Variants in NRXN1 observed in about 807,000 individuals in gnomAD.
The protein encoded by NRXN1 is neurexin 1.
In NRXN1, 39 loss-of-function variants were observed where a neutral mutation model predicts 150.9. The ratio of observed to expected loss-of-function variants is 0.26; its 90% CI spans 0.20 to 0.34. NRXN1 has a LOEUF of 0.34. NRXN1 is among the 10% of genes least tolerant of loss of function. The pLI, the probability that NRXN1 is intolerant of heterozygous loss-of-function variation, is 1.00. For synonymous variants in NRXN1, 924 were observed against 757.0 expected, an observed-to-expected ratio of 1.22 and a Z score of -3.62; for missense variants, 1,815 against 1,949.9, an observed-to-expected ratio of 0.93 and a Z score of 1.30.
At chr2:50,663,740 A>C (rs1687629381) in intron 5 of NRXN1, among the ~76,000 whole-genome samples, 1 of 152,058 alleles carries the variant, frequency 6.6e-6, no homozygotes, top group African/African-American at 2.4e-5. Context: ...TTCACATATG[A>C]ATCATCCAGA....
chr2:50,814,840 T>C (rs1294451085), intron 5 of NRXN1, among the ~76,000 whole-genome samples: 3 of 152,150 alleles, frequency 2.0e-5, no homozygotes, highest in South Asian at 2.1e-4. Flanking sequence ...TTACTTAGCA[T>C]TGCACTGGGA....
chr2:50,183,864 G>A (rs183312762), intron 18 of NRXN1, among the ~76,000 whole-genome samples: 3 of 151,946 alleles, frequency 2.0e-5, no homozygotes, highest in African/African-American at 7.2e-5. Context: ...TCTAAACCAT[G>A]GTTTTCACCT....
chr2:50,185,149 G>A (rs1389784411), intron 18 of NRXN1, among the ~76,000 whole-genome samples: 1 of 152,116 alleles, frequency 6.6e-6, no homozygotes, highest in African/African-American at 2.4e-5. Flanking sequence ...TCCATCCATG[G>A]AGATGCTTTG....
intron 12 of NRXN1, among the ~76,000 whole-genome samples, chr2:50,512,171 G>C (rs978502400): frequency 6.6e-6 from 1 of 152,056 alleles, no homozygotes; most frequent in Non-Finnish European, 1.5e-5. Context: ...AGAGTGCAAT[G>C]TTATAGTGAA....
chr2:50,953,024 G>C (rs1010457463), intron 2 of NRXN1, among the ~76,000 whole-genome samples: 1 of 152,168 alleles, frequency 6.6e-6, no homozygotes, highest in Admixed American at 6.6e-5. Flanking sequence ...AAAATACTAA[G>C]AGAGAGGAAC....
intron 5 of NRXN1, among the ~76,000 whole-genome samples, chr2:50,837,886 T>C (rs1672332523): frequency 6.6e-6 from 1 of 152,120 alleles, no homozygotes; most frequent in Admixed American, 6.6e-5. Flanking sequence ...AGAAATACAC[T>C]CAGAAATACT....
chr2:50,290,408 T>A (rs2072767078), intron 17 of NRXN1, among the ~76,000 whole-genome samples: 1 of 152,232 alleles, frequency 6.6e-6, no homozygotes, highest in Non-Finnish European at 1.5e-5. Context: ...GTGCCACACT[T>A]CCTTCCAAAC....
At chr2:50,701,101 C>T (rs1693679912) in intron 5 of NRXN1, among the ~76,000 whole-genome samples, 1 of 152,114 alleles carries the variant, frequency 6.6e-6, no homozygotes, top group African/African-American at 2.4e-5. Flanking sequence ...TAAAGTAGGC[C>T]TTTCCTTCCA....
intron 21 of NRXN1, among the ~76,000 whole-genome samples, chr2:49,961,740 G>T (rs1386758716): frequency 2.0e-5 from 3 of 152,122 alleles, no homozygotes; most frequent in African/African-American, 7.2e-5. Context: ...CCAAATAAAT[G>T]CTCTTCTACT....
chr2:50,145,271 A>C (rs919003840), intron 18 of NRXN1, among the ~76,000 whole-genome samples: 1 of 149,620 alleles, frequency 6.7e-6, no homozygotes, highest in Non-Finnish European at 1.5e-5. Context: ...CAATTTATTT[A>C]ATTTTTTTCT....
intron 18 of NRXN1, among the ~76,000 whole-genome samples, chr2:50,187,149 AAC>A (rs1475021476): frequency 2.0e-5 from 3 of 152,070 alleles, no homozygotes; most frequent in African/African-American, 7.2e-5. Context: ...AAACATGTGC[AAC>A]TGTATAGCAT....
At chr2:50,829,134 C>T (rs1387511013) in intron 5 of NRXN1, among the ~76,000 whole-genome samples, 1 of 145,902 alleles carries the variant, frequency 6.9e-6, no homozygotes, top group Non-Finnish European at 1.5e-5. Flanking sequence ...CAGGCTGAGG[C>T]AGGAGACTCA....
chr2:50,760,593 C>CCACACCT (rs1247217288), intron 5 of NRXN1, among the ~76,000 whole-genome samples: 1 of 151,850 alleles, frequency 6.6e-6, no homozygotes, highest in Non-Finnish European at 1.5e-5. Flanking sequence ...GTACTAGCCA[C>CCACACCT]TCTAACCACA....
intron 18 of NRXN1, among the ~76,000 whole-genome samples, chr2:50,234,152 GT>G (rs1260157396): frequency 1.3e-5 from 2 of 151,966 alleles, no homozygotes; most frequent in African/African-American, 4.8e-5. Context: ...AACTTAGGTA[GT>G]AAAAAGAAAA....
intron 2 of NRXN1, among the ~76,000 whole-genome samples, chr2:50,938,098 A>G (rs566030755): frequency 6.6e-6 from 1 of 152,240 alleles, no homozygotes; most frequent in Admixed American, 6.5e-5. Flanking sequence ...ACACCTGTGC[A>G]GGGCACTTAC....
intron 5 of NRXN1, chr2:50,829,298 T>G: frequency 9.9e-6 from 6 of 607,686 alleles, no homozygotes; most frequent in South Asian, 6.1e-5. Flanking sequence ...AGAGGGGTAA[T>G]TTTGTATTTT....
chr2:49,975,163 G>A (rs1222588684), intron 21 of NRXN1, among the ~76,000 whole-genome samples: 2 of 151,252 alleles, frequency 1.3e-5, no homozygotes, highest in Non-Finnish European at 2.9e-5. Context: ...TAGGCTATAA[G>A]TGATGAGACC....
intron 18 of NRXN1, among the ~76,000 whole-genome samples, chr2:50,152,644 A>T (rs2058762419): frequency 6.6e-6 from 1 of 151,800 alleles, no homozygotes. Flanking sequence ...CTTTGAATAT[A>T]TCAGCCCATT....
At chr2:50,370,623 A>G (rs1160485270) in intron 17 of NRXN1, among the ~76,000 whole-genome samples, 2 of 151,980 alleles carry the variant, frequency 1.3e-5, no homozygotes, top group Non-Finnish European at 2.9e-5. Flanking sequence ...ATTTTTTTCT[A>G]TAGCACTAAG....
Sources: gnomAD v4.1 joint callset for allele counts (sites outside exome capture counted in the v4.1 genomes callset) on GRCh38, gnomAD v4.1.1 for gene constraint, MANE v1.5 for transcripts, NCBI Gene and HGNC (gene_info 2026-07-23, HGNC 2026-07-21) for gene names.